The following ETV5 variants were observed in gnomAD, a reference collection of about 807,000 sequenced individuals.
ETV5 encodes ETS variant transcription factor 5, also known as ETS translocation variant 5.
In ETV5, 10 loss-of-function variants were observed where a neutral mutation model predicts 70.0. The observed-to-expected ratio is 0.14, with a 90% CI of 0.09 to 0.24. ETV5 has a LOEUF of 0.24. Ranked by LOEUF, ETV5 falls within the 10% of genes least tolerant of loss-of-function variation. ETV5 has a pLI of 1.00. For synonymous variants in ETV5, 216 were observed against 242.2 expected (o/e 0.89, Z 1.01); for missense variants, 453 against 651.2 (o/e 0.70, Z 3.31).
At chr3:186,063,826 A>G (rs1229924776) in intron 9 of ETV5, among the ~76,000 whole-genome samples, 2 of 152,076 alleles carry the variant, frequency 1.3e-5, no homozygotes, top group African/African-American at 4.8e-5. Context: ...AATACCTTCA[A>G]TTTCCCTCCC....
intron 5 of ETV5, among the ~76,000 whole-genome samples, chr3:186,094,347 G>A (rs186399579): frequency 2.3e-3 from 357 of 152,242 alleles, no homozygotes; most frequent in African/African-American, 7.7e-3. Context: ...TCTTATTCTC[G>A]GGACAAAATT....
chr3:186,094,923 T>A (rs948925018), intron 5 of ETV5, among the ~76,000 whole-genome samples: 3 of 152,138 alleles, frequency 2.0e-5, no homozygotes, highest in African/African-American at 4.8e-5. Flanking sequence ...TCGACTACCA[T>A]AGGCTTCTTT....
chr3:186,077,355 G>A (rs549726926), intron 7 of ETV5, among the ~76,000 whole-genome samples: 1 of 152,306 alleles, frequency 6.6e-6, no homozygotes, highest in African/African-American at 2.4e-5. Context: ...ATGTGATTAT[G>A]AAGCTTGATA....
At chr3:186,065,778 G>C (rs1285216335) in intron 8 of ETV5, 35 bp downstream of exon 8, 1 of 1,612,884 alleles carries the variant, frequency 6.2e-7, no homozygotes, top group Non-Finnish European at 8.5e-7. Context: ...AAGAATGCAA[G>C]AATGAAGCAA....
At chr3:186,084,611 T>C (rs1467312661) in intron 5 of ETV5, among the ~76,000 whole-genome samples, 1 of 152,148 alleles carries the variant, frequency 6.6e-6, no homozygotes, top group African/African-American at 2.4e-5. Flanking sequence ...TAGCATCTTC[T>C]CAACGATGCA....
chr3:186,102,322 AG>A (rs1172672991), intron 5 of ETV5, among the ~76,000 whole-genome samples: 2 of 152,158 alleles, frequency 1.3e-5, no homozygotes, highest in African/African-American at 4.8e-5. Context: ...GTGTATTACC[AG>A]TGGCCACTGG....
chr3:186,067,711 AATC>A (rs1241690509), intron 7 of ETV5, among the ~76,000 whole-genome samples: 1 of 152,234 alleles, frequency 6.6e-6, no homozygotes, highest in Admixed American at 6.5e-5. Flanking sequence ...CAACAGCAGA[AATC>A]ATCAAGATAA....
chr3:186,078,651 C>T (rs1713855360), intron 7 of ETV5, among the ~76,000 whole-genome samples: 1 of 152,124 alleles, frequency 6.6e-6, no homozygotes, highest in Non-Finnish European at 1.5e-5. Flanking sequence ...CTGTGTCCTC[C>T]AGATGAGTCC....
intron 1 of ETV5, chr3:186,108,319 C>T (rs2108447831): frequency 4.3e-6 from 2 of 460,882 alleles, no homozygotes; most frequent in East Asian, 1.4e-4. Flanking sequence ...CCCCGATTTT[C>T]TCGAGTCGCC....
chr3:186,074,656 G>A (rs1046494884), intron 7 of ETV5, among the ~76,000 whole-genome samples: 4 of 152,078 alleles, frequency 2.6e-5, no homozygotes, highest in African/African-American at 9.7e-5. Context: ...GCTCATGCCT[G>A]TAATCCCAGC....
chr3:186,060,583 A>G (rs1239684170), intron 9 of ETV5, among the ~76,000 whole-genome samples: 1 of 152,248 alleles, frequency 6.6e-6, no homozygotes, highest in Non-Finnish European at 1.5e-5. Context: ...ACAGATGCCA[A>G]TCAGAAACAC....
chr3:186,091,388 G>A (rs1036978656), intron 5 of ETV5, among the ~76,000 whole-genome samples: 2 of 152,224 alleles, frequency 1.3e-5, no homozygotes, highest in Non-Finnish European at 2.9e-5. Flanking sequence ...AGGACTGACT[G>A]TCACCTTGGT....
At chr3:186,074,123 G>A (rs1713712946) in intron 7 of ETV5, among the ~76,000 whole-genome samples, 1 of 151,908 alleles carries the variant, frequency 6.6e-6, no homozygotes, top group South Asian at 2.1e-4. Context: ...AAAAAAAAAG[G>A]TCTATATAAA....
At chr3:186,064,986 C>A (rs1713405991) in intron 8 of ETV5, among the ~76,000 whole-genome samples, 1 of 152,150 alleles carries the variant, frequency 6.6e-6, no homozygotes, top group Non-Finnish European at 1.5e-5. Flanking sequence ...AGTTAGGAAG[C>A]CAGGACCAGC....
At chr3:186,094,561 C>G (rs552411519) in intron 5 of ETV5, among the ~76,000 whole-genome samples, 1 of 152,224 alleles carries the variant, frequency 6.6e-6, no homozygotes, top group South Asian at 2.1e-4. Flanking sequence ...CTTCAAAGGA[C>G]TCATTTAGCC....
chr3:186,095,163 G>A (rs1357105302), intron 5 of ETV5: 1 of 152,192 alleles, frequency 6.6e-6, no homozygotes, highest in African/African-American at 2.4e-5. Flanking sequence ...TTGAGAAAGA[G>A]GTCTAAGGAA....
chr3:186,074,441 T>C (rs929764991), intron 7 of ETV5, among the ~76,000 whole-genome samples: 2 of 152,132 alleles, frequency 1.3e-5, no homozygotes, highest in East Asian at 3.8e-4. Flanking sequence ...TTCTAAAATA[T>C]AGAAAACGGA....
At position 186,074,906 on chromosome 3, in the gene ETV5, CAAG is replaced by C. The variant is rs1713744028; in HGVS notation, c.650+4908_650+4910del. Among the ~76,000 whole-genome samples, 2 of 143,792 alleles carry C rather than the reference CAAG, an allele frequency of 1.4e-5. 1 individual carries two copies. Among genetic ancestry groups the C allele is most frequent in the South Asian group, 4.6e-4 (2 of 4,386 alleles). The allele number at this position is 143,792 out of a possible 152,430, so 94.3% of individuals were successfully genotyped here. On this transcript the variant is annotated intron_variant, in intron 7 of 12. Transcript: ENST00000306376. ...AAGAATAAACAAGTTAGGTTTGTCA[CAAG>C]AATGCAAGGTTGGTTTCATATAAAT...
At chr3:186,078,448 T>C (rs1048062498) in intron 7 of ETV5, among the ~76,000 whole-genome samples, 1 of 152,126 alleles carries the variant, frequency 6.6e-6, no homozygotes, top group Non-Finnish European at 1.5e-5. Flanking sequence ...GTTCACAAAT[T>C]GGCAGGCCTG....
Sources: gnomAD v4.1 joint callset for allele counts (sites outside exome capture counted in the v4.1 genomes callset) on GRCh38, gnomAD v4.1.1 for gene constraint, MANE v1.5 for transcripts, NCBI Gene and HGNC (gene_info 2026-07-23, HGNC 2026-07-21) for gene names.